Variants in ZNRF3 observed in about 807,000 individuals in gnomAD.
The protein encoded by ZNRF3 is zinc and ring finger 3, also known as E3 ubiquitin-protein ligase ZNRF3.
A neutral mutation model predicts 72.5 loss-of-function variants in ZNRF3; 23 were observed. The observed-to-expected ratio is 0.32, with a 90% CI of 0.23 to 0.45. The LOEUF is 0.45. ZNRF3 is among the 20% of genes least tolerant of loss of function. The pLI is 1.00. For synonymous variants in ZNRF3, 610 were observed against 545.3 expected, an observed-to-expected ratio of 1.12 and a Z score of -1.65; for missense variants, 1,169 against 1,272.1, an observed-to-expected ratio of 0.92 and a Z score of 1.23.
chr22:29,051,177 C>G (rs1478463993), intron 8 of ZNRF3, among the ~76,000 whole-genome samples: 1 of 152,138 alleles, frequency 6.6e-6, no homozygotes, highest in African/African-American at 2.4e-5. Flanking sequence ...ATGCCTGCAG[C>G]CTGTCATGTC....
At chr22:28,968,391 C>T (rs1341822639) in intron 1 of ZNRF3, among the ~76,000 whole-genome samples, 3 of 152,012 alleles carry the variant, frequency 2.0e-5, no homozygotes, top group Non-Finnish European at 4.4e-5. Flanking sequence ...TTGCATCTCC[C>T]ATAATTCCTA....
intron 1 of ZNRF3, among the ~76,000 whole-genome samples, chr22:28,960,719 G>A (rs545309362): frequency 1.5e-3 from 226 of 152,310 alleles, no homozygotes; most frequent in African/African-American, 5.2e-3. Context: ...AGTTCCGAGT[G>A]GGGAGGCTGC....
chr22:28,993,867 G>C (rs2035999162), intron 2 of ZNRF3, among the ~76,000 whole-genome samples: 1 of 152,098 alleles, frequency 6.6e-6, no homozygotes, highest in Non-Finnish European at 1.5e-5. Flanking sequence ...TTTTTTTGTA[G>C]AGACAGAGTC....
At chr22:28,922,177 A>G (rs953020638) in intron 1 of ZNRF3, among the ~76,000 whole-genome samples, 2 of 152,200 alleles carry the variant, frequency 1.3e-5, no homozygotes, top group South Asian at 4.1e-4. Context: ...AAAGCTTCAG[A>G]TTTGGAAGCC....
At position 28,891,023 on chromosome 22, in the gene ZNRF3, C is replaced by T. The variant is rs138138546; in HGVS notation, c.300+6957C>T. On this transcript the variant is annotated intron_variant, in intron 1 of 8. Transcript: ENST00000544604. ...CCTCCTGCCTTGGCCTCCCAGTGCT[C>T]TGGGATTACAGGTGAGAGCCACCAT... Among the ~76,000 whole-genome samples the T allele has an allele frequency of 4.5e-4, 69 of 152,290 alleles. No individual in the cohort carries two copies. In the East Asian group the frequency reaches 0.011, roughly 25 times the overall value.
In ZNRF3 at chr22:28,883,947, G is replaced by C. The variant is rs1465020255; in HGVS notation, c.181G>C (p.Val61Leu). ...GAARAKETAF[V>L]EVVLFESSPS... ...GGCGCGGGCCAAGGAGACGGCGTTC[G>C]TGGAGGTGGTGCTGTTCGAGTCGAG... The change falls in exon 1 of 9, where the codon GTG becomes CTG. Residue 61 changes from valine to leucine, a missense_variant. This residue lies in a region of ZNRF3 where 386 missense variants were observed against 540.7 expected (regional missense o/e 0.71). Transcript: ENST00000544604. The surrounding 1 kb of genome is among the most constrained non-coding windows in gnomAD (Gnocchi z 5.5). 7.9e-7 allele frequency: 1 copy of C among 1,270,048 alleles called. No homozygotes were observed. Among genetic ancestry groups the C allele is most frequent in the Non-Finnish European group, 1.0e-6 (1 of 987,338 alleles). The allele number at this position is 1,270,048 out of a possible 1,614,324, so 78.7% of individuals were successfully genotyped here. A position where few individuals can be genotyped will look rare whatever the true frequency, so the allele number is the denominator to read the frequency against.
chr22:29,052,623 G>A (rs567668360), intron 8 of ZNRF3, among the ~76,000 whole-genome samples: 70 of 151,588 alleles, frequency 4.6e-4, no homozygotes, highest in African/African-American at 1.2e-3. Context: ...AACCCGGGAC[G>A]CCGTTGTTGC....
chr22:28,893,537 G>A (rs1236076236), intron 1 of ZNRF3, among the ~76,000 whole-genome samples: 1 of 145,202 alleles, frequency 6.9e-6, no homozygotes, highest in Middle Eastern at 3.6e-3. Context: ...TGGCTCTATC[G>A]CCCAGGCTGG....
intron 1 of ZNRF3, among the ~76,000 whole-genome samples, chr22:28,885,081 G>A (rs2033753378): frequency 6.6e-6 from 1 of 152,190 alleles, no homozygotes; most frequent in Non-Finnish European, 1.5e-5. Context: ...CAGGGCCTAA[G>A]CTTTGTGGGC....
intron 1 of ZNRF3, among the ~76,000 whole-genome samples, chr22:28,942,581 A>T (rs2034967171): frequency 6.6e-6 from 1 of 152,178 alleles, no homozygotes; most frequent in East Asian, 1.9e-4. Flanking sequence ...CTTTCTCCAG[A>T]GCGAGAGAGT....
Position 29,049,469 on chromosome 22 carries a change from G to T in ZNRF3, c.1288G>T (p.Ala430Ser). The T allele has an allele frequency of 6.2e-7, 1 of 1,604,494 alleles. No individual in the cohort carries two copies. The highest frequency in any genetic ancestry group is 8.5e-7 in the Non-Finnish European group (1 of 1,179,606). ...CCTCCACCTGGACCACAGCCTGGCC[G>T]CTCACCGCTGCGGCCTGGAGCACCG... Reference protein sequence around the residue: ...PPLHLDHSLAAHRCGLEHRAY... With the variant: ...PPLHLDHSLASHRCGLEHRAY... Residue 430 changes from alanine (A) to serine (S), a missense_variant, in exon 8 of 9, where the codon GCT (alanine) becomes TCT (serine). Transcript: ENST00000544604. The surrounding 1 kb of genome is among the most constrained non-coding windows in gnomAD (Gnocchi z 5.2).
intron 1 of ZNRF3, among the ~76,000 whole-genome samples, chr22:28,973,677 T>G (rs1002035717): frequency 1.3e-5 from 2 of 152,198 alleles, no homozygotes; most frequent in Non-Finnish European, 2.9e-5. Flanking sequence ...GTGTTGAGAA[T>G]CCCCTTCTCA....
chr22:28,944,282 A>C (rs938588912), intron 1 of ZNRF3, among the ~76,000 whole-genome samples: 2 of 149,446 alleles, frequency 1.3e-5, no homozygotes, highest in Non-Finnish European at 3.0e-5. Flanking sequence ...TTTTTTTCTA[A>C]GTCTTCACAG....
At chr22:28,897,220 C>T (rs16986814) in intron 1 of ZNRF3, among the ~76,000 whole-genome samples, 5,613 of 152,292 alleles carry the variant, frequency 0.037, 181 homozygotes, top group South Asian at 0.087. Context: ...ACCTAGCTGC[C>T]CCAGTCTCTC....
intron 1 of ZNRF3, among the ~76,000 whole-genome samples, chr22:28,915,299 A>T (rs1372315782): frequency 6.6e-6 from 1 of 152,198 alleles, no homozygotes; most frequent in Non-Finnish European, 1.5e-5. Flanking sequence ...TTCCATCTGT[A>T]ACTGTCTGTG....
At chr22:29,033,553 C>T (rs1395613542) in intron 2 of ZNRF3, among the ~76,000 whole-genome samples, 1 of 151,936 alleles carries the variant, frequency 6.6e-6, no homozygotes, top group African/African-American at 2.4e-5. Flanking sequence ...GGGGCAGGGG[C>T]GTGCAAGGTG....
At chr22:28,941,573 G>A (rs945249582) in intron 1 of ZNRF3, among the ~76,000 whole-genome samples, 19 of 151,986 alleles carry the variant, frequency 1.3e-4, no homozygotes, top group Non-Finnish European at 2.5e-4. Flanking sequence ...TTCTAACCTG[G>A]GATGTTTTAT....
intron 1 of ZNRF3, among the ~76,000 whole-genome samples, chr22:28,984,837 G>A (rs1265797892): frequency 6.6e-6 from 1 of 152,192 alleles, no homozygotes; most frequent in Non-Finnish European, 1.5e-5. Flanking sequence ...GGGCACCCTG[G>A]AGGAAAGGTT....
chr22:29,033,350 C>CAAAAAAA (rs60310622), intron 2 of ZNRF3, among the ~76,000 whole-genome samples: 3 of 66,140 alleles, frequency 4.5e-5, no homozygotes, highest in Non-Finnish European at 5.5e-5. Flanking sequence ...GACTCCATCT[C>CAAAAAAA]AAAAAAAAAA....
Sources: allele counts gnomAD v4.1 joint callset (sites outside exome capture counted in the v4.1 genomes callset), GRCh38; gene constraint gnomAD v4.1.1; regional missense constraint gnomAD v4.1.1; non-coding constraint Gnocchi (gnomAD v3.1); transcripts MANE v1.5; gene names NCBI Gene and HGNC (gene_info 2026-07-23, HGNC 2026-07-21).